The following SLC26A5 variants were observed in gnomAD, a reference collection of about 807,000 sequenced individuals.
SLC26A5 encodes the protein prestin.
SLC26A5 carries 51 observed loss-of-function variants against 81.0 expected under a neutral mutation model. The ratio of observed to expected loss-of-function variants is 0.63; its 90% CI spans 0.50 to 0.80. The LOEUF is 0.80. Ranked by LOEUF, SLC26A5 falls within the 30% of genes least tolerant of loss-of-function variation. The probability of loss-of-function intolerance (pLI) is 0.00; values close to 1 mark genes in which losing one functional copy is unlikely to be tolerated. For missense variants in SLC26A5, 771 were observed against 905.8 expected (o/e 0.85, Z 1.91); for synonymous variants, 325 against 332.8 (o/e 0.98, Z 0.25).
intron 2 of SLC26A5, 30 bp from the exon 3 acceptor site, chr7:103,421,597 C>T (rs1825359021): frequency 6.9e-7 from 1 of 1,457,520 alleles, no homozygotes; most frequent in Non-Finnish European, 9.5e-7. Flanking sequence ...CTCCATTTTA[C>T]TTGCCAAAAT....
intron 4 of SLC26A5, among the ~76,000 whole-genome samples, chr7:103,414,486 T>C (rs1824759033): frequency 6.6e-6 from 1 of 152,184 alleles, no homozygotes; most frequent in Non-Finnish European, 1.5e-5. Context: ...CAGTTTGGCC[T>C]TTTTTAGAAT....
chr7:103,385,064 C>T lies in SLC26A5; in HGVS notation c.1514+3944G>A, dbSNP rs149324789. Among the ~76,000 whole-genome samples the T allele has an allele frequency of 5.3e-3, 811 of 152,218 alleles. 6 individuals carry two copies. The highest frequency in any genetic ancestry group is 7.4e-3 in the Admixed American group (113 of 15,276). On this transcript the variant is annotated intron_variant, in intron 14 of 19. Coordinates refer to ENST00000306312, the MANE Select transcript of SLC26A5 (RefSeq NM_198999.3). ...TTTATAATGCTAACCAAATTGTGAGCTTTGGGGGGCAGAAGCTGAACCTCT... is the reference window on the plus strand; with the variant it reads ...TTTATAATGCTAACCAAATTGTGAGTTTTGGGGGGCAGAAGCTGAACCTCT...
Position 103,389,082 on chromosome 7 carries a change from C to G in SLC26A5, c.1440G>C (p.Leu480Phe). The G allele has an allele frequency of 6.2e-7, 1 of 1,613,824 alleles. No individual in the cohort carries two copies. The highest frequency in any genetic ancestry group is 8.5e-7 in the Non-Finnish European group (1 of 1,179,836). ...TCAAACCATAGTCCAATCCCAGGAACAAGGAGGACACAAAAGTGGTAAGCC... is the reference window on the plus strand; with the variant it reads ...TCAAACCATAGTCCAATCCCAGGAAGAAGGAGGACACAAAAGTGGTAAGCC... ...TIWLTTFVSS[L>F]FLGLDYGLIT... The change falls in exon 14 of 20, where the codon TTG (leucine) becomes TTC (phenylalanine). Residue 480 changes from leucine (L) to phenylalanine (F), a missense_variant. By Grantham distance (22) the Leu-to-Phe change is conservative. Coordinates refer to ENST00000306312, the MANE Select transcript of SLC26A5 (RefSeq NM_198999.3).
At chr7:103,413,703 C>T (rs1407525210) in intron 4 of SLC26A5, among the ~76,000 whole-genome samples, 1 of 152,018 alleles carries the variant, frequency 6.6e-6, no homozygotes. Flanking sequence ...ACATTTTACT[C>T]CCAAGAAACT....
chr7:103,367,283 T>G lies in SLC26A5; in HGVS notation c.2041+9525A>C, dbSNP rs1445592529. 4.2e-6 allele frequency: 3 copies of G among 712,688 alleles called. No individual in the cohort carries two copies. The highest frequency in any genetic ancestry group is 4.8e-6 in the Non-Finnish European group (2 of 415,864). The allele number at this position is 712,688 out of a possible 1,614,324, so 44.1% of individuals were successfully genotyped here. A position where few individuals can be genotyped will look rare whatever the true frequency, so the allele number is the denominator to read the frequency against. On this transcript the variant is annotated intron_variant, in intron 19 of 19. Coordinates refer to the SLC26A5 transcript ENST00000339444. This position sits in a 1 kb window ranked among gnomAD's most constrained non-coding sequence, Gnocchi z 6.1. The stretch of plus-strand genomic sequence containing the variant: ...ATAAAGCAAGCTGTTCTTACAGGAT[T>G]TGCTTCAAAGTGGGATGTCACTTGT...
At chr7:103,430,147 C>T (rs1011523554) in intron 2 of SLC26A5, among the ~76,000 whole-genome samples, 8 of 147,702 alleles carry the variant, frequency 5.4e-5, no homozygotes, top group African/African-American at 1.5e-4. Context: ...GGTGTGATCT[C>T]GGCTCACTGC....
At chr7:103,411,936 A>G (rs1824520302) in intron 5 of SLC26A5, among the ~76,000 whole-genome samples, 1 of 152,184 alleles carries the variant, frequency 6.6e-6, no homozygotes, top group African/African-American at 2.4e-5. Context: ...GTGACTTCTC[A>G]GGCTAGGTAA....
At chr7:103,417,066 C>T (rs1389172174) in intron 4 of SLC26A5, among the ~76,000 whole-genome samples, 1 of 151,964 alleles carries the variant, frequency 6.6e-6, no homozygotes, top group African/African-American at 2.4e-5. Context: ...GAATTATTCC[C>T]TGATTTGAAA....
chr7:103,406,331 C>T (rs897534494), intron 8 of SLC26A5, among the ~76,000 whole-genome samples: 1 of 152,124 alleles, frequency 6.6e-6, no homozygotes, highest in African/African-American at 2.4e-5. Flanking sequence ...GGGGAGTCTC[C>T]TAGTCTGTGG....
chr7:103,374,392 T>C lies in SLC26A5; in HGVS notation c.*7A>G. The C allele has an allele frequency of 6.2e-7, 1 of 1,612,196 alleles. No homozygotes were observed. Among genetic ancestry groups the C allele is most frequent in the Non-Finnish European group, 8.5e-7 (1 of 1,179,946 alleles). ...CTTATAACCCCATCCTAGGGTGAGG[T>C]CCTCATCTATGCCTCAGGAGTGGCA... is the stretch of plus-strand genomic sequence containing the variant. On this transcript the variant is annotated 3_prime_UTR_variant, in exon 20 of 20. Coordinates refer to ENST00000306312, the MANE Select transcript of SLC26A5 (RefSeq NM_198999.3).
intron 2 of SLC26A5, among the ~76,000 whole-genome samples, chr7:103,422,006 TTTAAA>T (rs1248702087): frequency 6.6e-6 from 1 of 152,248 alleles, no homozygotes; most frequent in East Asian, 1.9e-4. Flanking sequence ...TTGATTACTC[TTTAAA>T]TTATTCTATG....
intron 14 of SLC26A5, among the ~76,000 whole-genome samples, chr7:103,381,197 T>A (rs182204949): frequency 6.7e-6 from 1 of 150,254 alleles, no homozygotes; most frequent in Non-Finnish European, 1.5e-5. Context: ...ACATACCATA[T>A]ACACCTCATA....
intron 11 of SLC26A5, 24 bp from the exon 12 acceptor site, chr7:103,390,530 A>AGGG: frequency 6.3e-7 from 1 of 1,594,398 alleles, no homozygotes. Flanking sequence ...GACACATGGA[A>AGGG]GGGGCTTTTA....
chr7:103,429,832 T>C (rs906949480), intron 2 of SLC26A5, among the ~76,000 whole-genome samples: 6 of 152,176 alleles, frequency 3.9e-5, no homozygotes, highest in African/African-American at 1.4e-4. Flanking sequence ...CTTGAGTGAG[T>C]GGCAGGGGCC....
chr7:103,374,252 C>T lies in SLC26A5; in HGVS notation c.*147G>A. On this transcript the variant is annotated 3_prime_UTR_variant, in exon 20 of 20. Coordinates refer to ENST00000306312, the MANE Select transcript of SLC26A5 (RefSeq NM_198999.3). ...TTAAAAAAACACAAGTACAATACATCTTGCTAGGCGTCATTCACCCTCCAA... is the reference window on the plus strand; with the variant it reads ...TTAAAAAAACACAAGTACAATACATTTTGCTAGGCGTCATTCACCCTCCAA... 1 of 1,463,522 alleles carries T rather than the reference C, an allele frequency of 6.8e-7. No individual in the cohort carries two copies. Among genetic ancestry groups the T allele is most frequent in the Admixed American group, 2.7e-5 (1 of 37,672 alleles). 90.7% of individuals were successfully genotyped at this position (1,463,522 alleles called of 1,614,324 possible).
chr7:103,411,927 T>C (rs1434328295), intron 5 of SLC26A5, among the ~76,000 whole-genome samples: 1 of 152,222 alleles, frequency 6.6e-6, no homozygotes, highest in Non-Finnish European at 1.5e-5. Flanking sequence ...TGACGTTGTG[T>C]GACTTCTCAG....
intron 2 of SLC26A5, among the ~76,000 whole-genome samples, chr7:103,434,362 G>A (rs1020647881): frequency 5.9e-5 from 9 of 152,084 alleles, no homozygotes; most frequent in African/African-American, 2.2e-4. Context: ...TTTCCTTTCA[G>A]AAAGTTTTAG....
intron 2 of SLC26A5, among the ~76,000 whole-genome samples, chr7:103,424,077 T>C (rs1825548478): frequency 6.6e-6 from 1 of 152,156 alleles, no homozygotes; most frequent in Non-Finnish European, 1.5e-5. Flanking sequence ...ATAAAACCAT[T>C]TGTAATCCAG....
At chr7:103,402,955 A>C (rs1026643118) in intron 8 of SLC26A5, among the ~76,000 whole-genome samples, 2 of 151,788 alleles carry the variant, frequency 1.3e-5, no homozygotes, top group South Asian at 2.1e-4. Flanking sequence ...AAGTTATTTT[A>C]ATTGTGATGT....
Sources: allele counts gnomAD v4.1 joint callset (sites outside exome capture counted in the v4.1 genomes callset), GRCh38; gene constraint gnomAD v4.1.1; non-coding constraint Gnocchi (gnomAD v3.1); transcripts MANE v1.5; gene names NCBI Gene and HGNC (gene_info 2026-07-23, HGNC 2026-07-21).